The following SLC7A7 variants were observed in gnomAD, a reference collection of about 807,000 sequenced individuals.
SLC7A7 encodes Y+L amino acid transporter 1.
SLC7A7 carries 39 observed loss-of-function variants against 47.9 expected under a neutral mutation model. That is an observed-to-expected ratio of 0.81 (90% CI 0.63 to 1.06). The LOEUF (loss-of-function observed/expected upper bound fraction) is 1.06. Ranked by LOEUF, SLC7A7 falls within the 50% of genes least tolerant of loss-of-function variation. The pLI, the probability that SLC7A7 is intolerant of heterozygous loss-of-function variation, is 0.00. For missense variants in SLC7A7, 588 were observed against 632.0 expected (o/e 0.93, Z 0.75); for synonymous variants, 234 against 242.8 (o/e 0.96, Z 0.34).
At chr14:22,775,583 A>G in intron 6 of SLC7A7, 43 bp from the exon 7 acceptor site, 1 of 1,536,868 alleles carries the variant, frequency 6.5e-7, no homozygotes, top group Non-Finnish European at 9.0e-7. Context: ...ATTGGTGGAC[A>G]CGGTGCAGCC....
chr14:22,777,766 T>G (rs4981438), intron 4 of SLC7A7, among the ~76,000 whole-genome samples: 89,148 of 152,126 alleles, frequency 0.59, 27,433 homozygotes, highest in South Asian at 0.72. Context: ...AGAATTGTGA[T>G]TCTTTTCACT....
intron 2 of SLC7A7, among the ~76,000 whole-genome samples, chr14:22,806,423 G>C (rs949842610): frequency 1.3e-5 from 2 of 151,482 alleles, no homozygotes; most frequent in Non-Finnish European, 2.9e-5. Flanking sequence ...TTAGGTAAGC[G>C]TGACTCAACT....
At chr14:22,815,507 T>TGAGGG (rs761963925), upstream of SLC7A7, 387 of 452,418 alleles carry the variant, frequency 8.6e-4, 1 homozygote, top group Non-Finnish European at 1.6e-3. Flanking sequence ...AAGGAAGGAG[T>TGAGGG]GAGGGAGGGG....
In SLC7A7 at chr14:22,773,266, T is replaced by C. The variant is rs1278316538; in HGVS notation, c.*344A>G. The C allele has an allele frequency of 2.2e-6, 1 of 450,638 alleles. No homozygotes were observed. Among genetic ancestry groups the C allele is most frequent in the Non-Finnish European group, 4.3e-6 (1 of 232,618 alleles). 27.9% of individuals were successfully genotyped at this position (450,638 alleles called of 1,614,324 possible). ...ATTGTCATCCAGCACCTGTGATAGT[T>C]TCATGTCTCTCTAAAGGAGACAGGA... On this transcript the variant is annotated 3_prime_UTR_variant, in exon 10 of 10. Transcript: ENST00000674313.
At chr14:22,786,066 A>G (rs1003715879) in intron 2 of SLC7A7, among the ~76,000 whole-genome samples, 2 of 150,904 alleles carry the variant, frequency 1.3e-5, no homozygotes, top group Non-Finnish European at 2.9e-5. Flanking sequence ...CACGCCTGTA[A>G]TCTCAGCACT....
Position 22,774,106 on chromosome 14 carries a change from A to G in SLC7A7, c.1256T>C (p.Phe419Ser). Residue 419 changes from phenylalanine (F) to serine (S), a missense_variant, in exon 9 of 10, where the codon TTC becomes TCC. Transcript: ENST00000674313. ...GCAGAGGCAGAAGACAATCGGGAAG[A>G]AAACGCTGAGCTAAGGGCACAGGAA... ...DRPRPLKLSV[F>S]FPIVFCLCTI... 6.2e-7 allele frequency: 1 copy of G among 1,614,196 alleles called. No homozygotes were observed. The highest frequency in any genetic ancestry group is 8.5e-7 in the Non-Finnish European group (1 of 1,180,032).
At chr14:22,775,639 C>A in intron 6 of SLC7A7, 99 bp from the exon 7 acceptor site, 1 of 1,081,530 alleles carries the variant, frequency 9.2e-7, no homozygotes, top group South Asian at 1.3e-5. Flanking sequence ...TCCCTTCCTT[C>A]AAAAGTATTT....
chr14:22,814,209 C>T (rs1488418320), intron 1 of SLC7A7, among the ~76,000 whole-genome samples: 3 of 151,826 alleles, frequency 2.0e-5, no homozygotes, highest in East Asian at 2.0e-4. Context: ...TTGGGCCGGG[C>T]GCTGTGGCTC....
At chr14:22,800,602 C>T (rs771909874) in intron 2 of SLC7A7, among the ~76,000 whole-genome samples, 15 of 152,280 alleles carry the variant, frequency 9.9e-5, no homozygotes, top group Non-Finnish European at 1.6e-4. Flanking sequence ...AAGCTCAACA[C>T]AGTCCATACG....
At chr14:22,790,984 G>A (rs2038914903) in intron 2 of SLC7A7, among the ~76,000 whole-genome samples, 1 of 138,508 alleles carries the variant, frequency 7.2e-6, no homozygotes, top group Non-Finnish European at 1.5e-5. Context: ...GTGACAGAGC[G>A]AGACTCCGTC....
intron 2 of SLC7A7, among the ~76,000 whole-genome samples, chr14:22,796,324 T>C (rs138730773): frequency 6.6e-6 from 1 of 152,250 alleles, no homozygotes; most frequent in African/African-American, 2.4e-5. Context: ...TCCAAAGTCC[T>C]TCACAGCCCA....
chr14:22,807,913 G>A (rs2039240110), intron 2 of SLC7A7, among the ~76,000 whole-genome samples: 1 of 152,168 alleles, frequency 6.6e-6, no homozygotes, highest in Non-Finnish European at 1.5e-5. Flanking sequence ...TGTAGTCCCA[G>A]CAATTTGGGA....
chr14:22,780,141 GATAT>G, intron 2 of SLC7A7, 90 bp from the exon 3 acceptor site: 1 of 1,561,934 alleles, frequency 6.4e-7, no homozygotes, highest in Non-Finnish European at 8.8e-7. Context: ...CAGTCACCAA[GATAT>G]ATATACCCTT....
In SLC7A7 at chr14:22,812,921, G is replaced by A. The variant is rs376853890; in HGVS notation, c.478C>T (p.Leu160=). The A allele has an allele frequency of 1.5e-5, 25 of 1,613,552 alleles. No homozygotes were observed. The highest frequency in any genetic ancestry group is 2.0e-5 in the Non-Finnish European group (24 of 1,179,998). Reference sequence around the variant, plus strand: ...TTACAAATGCAGGCAGCAGCCAGCAGGCGGCTGGCAGCATAAGGGGCGAAG... The same window carrying A: ...TTACAAATGCAGGCAGCAGCCAGCAAGCGGCTGGCAGCATAAGGGGCGAAG... The part of the protein sequence containing the change: ...SCFAPYAASR[L]LAAACICLLT... The change falls in exon 2 of 10, where the codon CTG becomes TTG. Residue 160 remains leucine (L), a synonymous_variant. Transcript: ENST00000674313.
At position 22,776,181 on chromosome 14, in the gene SLC7A7, T is replaced by G; in HGVS notation, c.894+14A>C. ...CAAGACACCCTCAACCTTCTGCTAG[T>G]GAAAATCCTTTACCACAGCAACAGC... On this transcript the variant is annotated intron_variant, in intron 5 of 9. Transcript: ENST00000674313. The G allele has an allele frequency of 6.2e-7, 1 of 1,614,138 alleles. No homozygotes were observed. Among genetic ancestry groups the G allele is most frequent in the Non-Finnish European group, 8.5e-7 (1 of 1,180,022 alleles).
At chr14:22,806,492 G>A (rs1275801991) in intron 2 of SLC7A7, among the ~76,000 whole-genome samples, 3 of 151,880 alleles carry the variant, frequency 2.0e-5, no homozygotes, top group Non-Finnish European at 4.4e-5. Flanking sequence ...GCTCATGGAA[G>A]GGCCACATAA....
At chr14:22,806,522 G>C (rs1236158487) in intron 2 of SLC7A7, among the ~76,000 whole-genome samples, 1 of 151,878 alleles carries the variant, frequency 6.6e-6, no homozygotes, top group East Asian at 1.9e-4. Flanking sequence ...CAGAAGACTT[G>C]GATGCCCTGT....
At chr14:22,817,325 T>C, upstream of SLC7A7, 1 of 101,392 alleles carries the variant, frequency 9.9e-6, no homozygotes, top group Middle Eastern at 3.0e-3. Flanking sequence ...GGTATTTTTA[T>C]TTTATTTTAT....
intron 2 of SLC7A7, 98 bp downstream of exon 2, chr14:22,812,802 G>A: frequency 2.2e-6 from 2 of 916,552 alleles, no homozygotes; most frequent in East Asian, 2.9e-5. Flanking sequence ...TGTTGTCAGA[G>A]ACATTCCTCT....
Sources: gnomAD v4.1 joint callset for allele counts (sites outside exome capture counted in the v4.1 genomes callset) on GRCh38, gnomAD v4.1.1 for gene constraint, MANE v1.5 for transcripts, NCBI Gene and HGNC (gene_info 2026-07-23, HGNC 2026-07-21) for gene names.